The following LRP1B variants were observed in gnomAD, a reference collection of about 807,000 sequenced individuals.
LRP1B encodes the protein LDL receptor related protein 1B.
LRP1B carries 217 observed loss-of-function variants against 556.6 expected under a neutral mutation model. The ratio of observed to expected loss-of-function variants is 0.39; its 90% CI spans 0.35 to 0.44. The LOEUF is 0.44. Among genes scored for constraint, LRP1B ranks in the 20% least tolerant of loss-of-function variants. The pLI is 1.00. For synonymous variants in LRP1B, 2,047 were observed against 1,865.8 expected, an observed-to-expected ratio of 1.10 and a Z score of -2.50; for missense variants, 5,053 against 5,620.8, an observed-to-expected ratio of 0.90 and a Z score of 3.23.
intron 7 of LRP1B, among the ~76,000 whole-genome samples, chr2:141,187,785 G>A (rs1296723993): frequency 3.3e-5 from 5 of 151,694 alleles, no homozygotes; most frequent in Non-Finnish European, 7.4e-5. Context: ...GAGTCTATTA[G>A]CTAAAGAATG....
intron 37 of LRP1B, among the ~76,000 whole-genome samples, chr2:140,706,023 C>G (rs554691626): frequency 9.3e-4 from 142 of 152,210 alleles, no homozygotes; most frequent in African/African-American, 3.4e-3. Flanking sequence ...AGAAAGAACC[C>G]TCTCCAAGCT....
chr2:141,393,921 T>C (rs941463990), intron 3 of LRP1B, among the ~76,000 whole-genome samples: 1 of 152,164 alleles, frequency 6.6e-6, no homozygotes, highest in Non-Finnish European at 1.5e-5. Context: ...TTGTATTCAC[T>C]TTTAGAGATA....
At chr2:140,612,871 C>T (rs1157875545) in intron 41 of LRP1B, among the ~76,000 whole-genome samples, 11 of 151,868 alleles carry the variant, frequency 7.2e-5, no homozygotes, top group South Asian at 2.1e-4. Flanking sequence ...GGAAGATTAC[C>T]GGAGGAAGGA....
At chr2:141,481,488 A>G (rs112721903) in intron 2 of LRP1B, among the ~76,000 whole-genome samples, 51 of 152,326 alleles carry the variant, frequency 3.3e-4, no homozygotes, top group African/African-American at 1.2e-3. Flanking sequence ...CGACACACTT[A>G]GGTTTTAATC....
chr2:140,341,049 T>C (rs767975124), intron 77 of LRP1B, among the ~76,000 whole-genome samples: 5 of 151,586 alleles, frequency 3.3e-5, no homozygotes, highest in Non-Finnish European at 7.4e-5. Context: ...TCCAGAATCA[T>C]TAGGTAAGTT....
chr2:141,865,879 T>C (rs566366737), intron 1 of LRP1B, among the ~76,000 whole-genome samples: 1 of 152,346 alleles, frequency 6.6e-6, no homozygotes, highest in South Asian at 2.1e-4. Flanking sequence ...AACTCAGTGT[T>C]TCTTCCACTC....
In LRP1B at chr2:141,894,941, G is replaced by A. The variant is rs550191054; in HGVS notation, c.83-84540C>T. Among the ~76,000 whole-genome samples the A allele has an allele frequency of 1.1e-4, 16 of 151,582 alleles. No homozygotes were observed. The East Asian group carries it at 3.1e-3, about 30-fold the overall frequency. ...TGCATGCCTGTAATCCCAGCTACTT[G>A]GGTGGCTGAGGCAAGAGAATCGCCT... On this transcript the variant is annotated intron_variant, in intron 1 of 90. Transcript: ENST00000389484.
chr2:140,956,004 T>A (rs963264560), intron 18 of LRP1B, among the ~76,000 whole-genome samples: 3 of 151,728 alleles, frequency 2.0e-5, no homozygotes, highest in African/African-American at 7.2e-5. Flanking sequence ...ATTATGTATG[T>A]GGAAATTGCA....
intron 7 of LRP1B, among the ~76,000 whole-genome samples, chr2:141,134,413 T>C (rs577277857): frequency 1.6e-3 from 237 of 152,006 alleles, no homozygotes; most frequent in African/African-American, 5.4e-3. Context: ...CTTTTGAGCC[T>C]ACGTGTTGTT....
intron 43 of LRP1B, among the ~76,000 whole-genome samples, chr2:140,588,169 C>T (rs1475460382): frequency 1.3e-5 from 2 of 152,054 alleles, no homozygotes; most frequent in Non-Finnish European, 2.9e-5. Context: ...AGCAAAAATA[C>T]GGGTACATAA....
At chr2:140,365,887 G>T (rs772414614) in intron 71 of LRP1B, among the ~76,000 whole-genome samples, 2 of 151,638 alleles carry the variant, frequency 1.3e-5, no homozygotes, top group Non-Finnish European at 3.0e-5. Context: ...ATCCTTAAAA[G>T]CCTAGAAAAT....
At chr2:141,861,696 G>A (rs756457748) in intron 1 of LRP1B, among the ~76,000 whole-genome samples, 6 of 152,274 alleles carry the variant, frequency 3.9e-5, no homozygotes, top group South Asian at 2.1e-4. Context: ...TTGGGAGGCC[G>A]TAGCGGGTGG....
chr2:140,915,885 G>T, intron 21 of LRP1B, among the ~76,000 whole-genome samples: 1 of 151,728 alleles, frequency 6.6e-6, no homozygotes, highest in Middle Eastern at 3.4e-3. Context: ...AAAATTAGCC[G>T]GGTGAGGGGG....
At chr2:140,826,886 CAAAT>C (rs146449406) in intron 31 of LRP1B, among the ~76,000 whole-genome samples, 2,903 of 152,058 alleles carry the variant, frequency 0.019, 125 homozygotes, top group East Asian at 0.17. Flanking sequence ...AAGGGGACAC[CAAAT>C]AAAAGTAGCT....
At chr2:140,558,096 A>G (rs1436267588) in intron 43 of LRP1B, among the ~76,000 whole-genome samples, 4 of 152,168 alleles carry the variant, frequency 2.6e-5, no homozygotes, top group African/African-American at 9.7e-5. Flanking sequence ...TAAGATGGCT[A>G]TCATGGAAAA....
chr2:141,774,543 A>G (rs912199632), intron 2 of LRP1B, among the ~76,000 whole-genome samples: 2 of 152,172 alleles, frequency 1.3e-5, no homozygotes, highest in African/African-American at 4.8e-5. Flanking sequence ...TGGGAATTAC[A>G]TTACAACATG....
intron 32 of LRP1B, among the ~76,000 whole-genome samples, chr2:140,798,638 T>C (rs1690402009): frequency 6.6e-6 from 1 of 152,196 alleles, no homozygotes; most frequent in South Asian, 2.1e-4. Flanking sequence ...TTCCTTGTTA[T>C]GGGGGCTGTC....
intron 1 of LRP1B, among the ~76,000 whole-genome samples, chr2:141,991,331 C>T (rs553341155): frequency 6.0e-4 from 91 of 151,946 alleles, no homozygotes; most frequent in Non-Finnish European, 1.2e-3. Context: ...ACACTTATGT[C>T]CAGCATATTG....
intron 86 of LRP1B, among the ~76,000 whole-genome samples, chr2:140,265,995 G>A (rs1682185135): frequency 6.6e-6 from 1 of 151,974 alleles, no homozygotes; most frequent in Non-Finnish European, 1.5e-5. Context: ...TCAAATCTGA[G>A]GAACATGACT....
Sources: gnomAD v4.1 joint callset for allele counts (sites outside exome capture counted in the v4.1 genomes callset) on GRCh38, gnomAD v4.1.1 for gene constraint, MANE v1.5 for transcripts, NCBI Gene and HGNC (gene_info 2026-07-23, HGNC 2026-07-21) for gene names.